ITGA3: variants seen among roughly 807,000 people sequenced by gnomAD.
ITGA3 encodes the protein integrin alpha-3.
In ITGA3, 70 loss-of-function variants were observed where a neutral mutation model predicts 131.1. The ratio of observed to expected loss-of-function variants is 0.53; its 90% CI spans 0.44 to 0.65. ITGA3 has a LOEUF of 0.65. ITGA3 is among the 30% of genes least tolerant of loss of function. The pLI, the probability that ITGA3 is intolerant of heterozygous loss-of-function variation, is 0.00. For missense variants in ITGA3, 1,098 were observed against 1,388.6 expected, an observed-to-expected ratio of 0.79 and a Z score of 3.33; for synonymous variants, 537 against 571.6, an observed-to-expected ratio of 0.94 and a Z score of 0.86.
Position 50,088,277 on chromosome 17 carries a change from A to C in ITGA3, c.3098A>C (p.Gln1033Pro). 1 of 1,590,236 alleles carries C rather than the reference A, an allele frequency of 6.3e-7. No individual in the cohort carries two copies. Among genetic ancestry groups the C allele is most frequent in the Non-Finnish European group, 8.6e-7 (1 of 1,168,624 alleles). ...RTRALYEAKR[Q>P]KAEMKSQPSE... ...CGCGCCCTGTATGAAGCTAAGAGGC[A>C]GAAGGCGGAGATGAAGAGCCAGCCG... Residue 1033 changes from glutamine to proline, a missense_variant, in exon 25 of 26, where the codon CAG becomes CCG. Transcript: ENST00000320031.
intron 4 of ITGA3, among the ~76,000 whole-genome samples, chr17:50,068,887 A>G (rs1161887106): frequency 6.6e-6 from 1 of 150,428 alleles, no homozygotes. Context: ...TCACTCTGTC[A>G]CCCAGGCTGG....
intron 7 of ITGA3, among the ~76,000 whole-genome samples, chr17:50,072,837 T>A (rs2144284852): frequency 6.6e-6 from 1 of 152,112 alleles, no homozygotes; most frequent in East Asian, 1.9e-4. Flanking sequence ...TCCTCATAAG[T>A]GTTCTGCAGG....
rs747450574 is a variant in ITGA3 at position 50,075,618 on chromosome 17, G to A, written c.1557G>A (p.Glu519=). Residue 519 remains glutamate, a synonymous_variant, in exon 12 of 26, where the codon GAG becomes GAA. Transcript: ENST00000320031. ...RRNITLAYTL[E]ADRDRRPPRL... ...CTGTAGCCCTGGCCTACACTCTGGAGGCTGACAGGGACCGCCGGCCGCCCC... is the reference window on the plus strand; with the variant it reads ...CTGTAGCCCTGGCCTACACTCTGGAAGCTGACAGGGACCGCCGGCCGCCCC... 2.3e-5 allele frequency: 37 copies of A among 1,614,130 alleles called. No individual in the cohort carries two copies. Among genetic ancestry groups the A allele is most frequent in the Admixed American group, 5.0e-5 (3 of 60,016 alleles).
Position 50,056,146 on chromosome 17 carries a change from C to T in ITGA3, c.-294C>T. 1 of 350,692 alleles carries T rather than the reference C, an allele frequency of 2.9e-6. No homozygotes were observed. Among genetic ancestry groups the T allele is most frequent in the South Asian group, 8.4e-5 (1 of 11,968 alleles). 21.7% of individuals were successfully genotyped at this position (350,692 alleles called of 1,614,324 possible). Reference sequence around the variant, plus strand: ...GAAGCCGGGATCGAAGGCGACAGCGCGGCCAAGGGGGCGCGGCCGGGACAA... The same window carrying T: ...GAAGCCGGGATCGAAGGCGACAGCGTGGCCAAGGGGGCGCGGCCGGGACAA... On this transcript the variant is annotated 5_prime_UTR_variant, in exon 1 of 26. Coordinates refer to ENST00000320031, the MANE Select transcript of ITGA3 (RefSeq NM_002204.4). The surrounding 1 kb of genome is among the most constrained non-coding windows in gnomAD (Gnocchi z 5.6).
intron 7 of ITGA3, among the ~76,000 whole-genome samples, chr17:50,072,501 C>T (rs913931469): frequency 8.6e-6 from 1 of 116,780 alleles, no homozygotes; most frequent in Non-Finnish European, 1.6e-5. Flanking sequence ...CCAAATCTAG[C>T]GGGTGTAGAG....
intron 23 of ITGA3, among the ~76,000 whole-genome samples, chr17:50,085,149 C>T (rs939275372): frequency 2.7e-5 from 4 of 150,220 alleles, no homozygotes; most frequent in African/African-American, 4.9e-5. Context: ...TTGCAGTGAG[C>T]CAAGATCGCA....
chr17:50,061,826 G>A (rs1908096537), intron 1 of ITGA3, among the ~76,000 whole-genome samples: 1 of 152,148 alleles, frequency 6.6e-6, no homozygotes, highest in Non-Finnish European at 1.5e-5. Flanking sequence ...GATCACCTGA[G>A]GTCAGGAGTT....
Position 50,081,001 on chromosome 17 carries a change from G to A in ITGA3, c.2821-309G>A, listed in dbSNP as rs73330550. ...GACAAATGAATGGGTGTGGCCGTGC[G>A]CCAAAAATACTTCATTTACAACAGC... On this transcript the variant is annotated intron_variant, in intron 22 of 25. Coordinates refer to ENST00000320031, the MANE Select transcript of ITGA3 (RefSeq NM_002204.4). 6.8e-3 allele frequency: 2,309 copies of A among 341,684 alleles called. 51 individuals are homozygous for A. The highest frequency in any genetic ancestry group is 0.044 in the African/African-American group (2,107 of 47,722). The allele number at this position is 341,684 out of a possible 1,614,324, so 21.2% of individuals were successfully genotyped here. A position where few individuals can be genotyped will look rare whatever the true frequency, so the allele number is the denominator to read the frequency against.
rs180727812 is a variant in ITGA3 at position 50,090,003 on chromosome 17, G to C, written c.*925G>C. ...GGGCTCACTGTGCTGGGGCACGGCGGGATCCTCCACAGAGAGGAGGGGACC... is the reference window on the plus strand; with the variant it reads ...GGGCTCACTGTGCTGGGGCACGGCGCGATCCTCCACAGAGAGGAGGGGACC... On this transcript the variant is annotated 3_prime_UTR_variant, in exon 26 of 26. Transcript: ENST00000320031. 13 of 253,482 alleles carry C rather than the reference G, an allele frequency of 5.1e-5. No homozygotes were observed. The East Asian group carries it at 1.4e-3, about 28-fold the overall frequency. 15.7% of individuals were successfully genotyped at this position (253,482 alleles called of 1,614,324 possible).
In ITGA3 at chr17:50,080,297, A is replaced by C. The variant is rs1037946344; in HGVS notation, c.2742A>C (p.Leu914=). 6.2e-7 allele frequency: 1 copy of C among 1,613,354 alleles called. No individual in the cohort carries two copies. Among genetic ancestry groups the C allele is most frequent in the South Asian group, 1.1e-5 (1 of 91,002 alleles). Residue 914 remains leucine, a synonymous_variant, in exon 22 of 26, where the codon CTA becomes CTC. Transcript: ENST00000320031. ...CATGRAHCVW[L]ECPIPDAPVV... is the part of the protein sequence containing the mutation. ...CAGGGCGTGCCCACTGTGTGTGGCT[A>C]GAGTGCCCCATCCCTGATGCCCCCG...
chr17:50,056,527 G>C lies in ITGA3; in HGVS notation c.88G>C (p.Val30Leu), dbSNP rs908827953. 2.6e-6 allele frequency: 4 copies of C among 1,553,274 alleles called. No homozygotes were observed. In the Admixed American group the frequency reaches 5.9e-5, roughly 23 times the overall value. The change falls in exon 1 of 26, where the codon GTC becomes CTC. Residue 30 changes from valine to leucine, a missense_variant. Val to Leu is a conservative substitution (Grantham distance 32). Transcript: ENST00000320031. The surrounding 1 kb of genome is among the most constrained non-coding windows in gnomAD (Gnocchi z 5.6). ...ALMVAAGGCV[V>L]SAFNLDTRFL... ...GATGGTGGCGGCCGGCGGCTGCGTC[G>C]TCTCCGCCTTCAACCTGGATACCCG... is the stretch of plus-strand genomic sequence containing the variant.
At chr17:50,076,548 G>T (rs745855428) in intron 13 of ITGA3, 36 bp from the exon 14 acceptor site, 7 of 1,608,034 alleles carry the variant, frequency 4.4e-6, no homozygotes, top group Non-Finnish European at 5.9e-6. Flanking sequence ...CACTGGGGGG[G>T]GTGGTGCGGC....
At position 50,064,851 on chromosome 17, in the gene ITGA3, A is replaced by G; in HGVS notation, c.414+244A>G. 4.6e-6 allele frequency: 2 copies of G among 434,160 alleles called. No homozygotes were observed. The highest frequency in any genetic ancestry group is 4.1e-6 in the Non-Finnish European group (1 of 242,746). 26.9% of individuals were successfully genotyped at this position (434,160 alleles called of 1,614,324 possible). A position where few individuals can be genotyped will look rare whatever the true frequency, so the allele number is the denominator to read the frequency against. On this transcript the variant is annotated intron_variant, in intron 3 of 25. Coordinates refer to ENST00000320031, the MANE Select transcript of ITGA3 (RefSeq NM_002204.4). This position sits in a 1 kb window ranked among gnomAD's most constrained non-coding sequence, Gnocchi z 4.4. ...TCTCTGACTCATCCACTTCCTCCGCATGCCTACACTGGGTGCTCAGCCTTC... is the reference window on the plus strand; with the variant it reads ...TCTCTGACTCATCCACTTCCTCCGCGTGCCTACACTGGGTGCTCAGCCTTC...
intron 9 of ITGA3, 33 bp downstream of exon 9, chr17:50,074,313 CTCT>C (rs766122103): frequency 6.8e-6 from 11 of 1,610,818 alleles, no homozygotes; most frequent in Non-Finnish European, 8.5e-6. Context: ...AAGGGTCTTT[CTCT>C]TCTTCATCTT....
intron 1 of ITGA3, among the ~76,000 whole-genome samples, chr17:50,061,090 G>A (rs1908055434): frequency 6.6e-6 from 1 of 151,846 alleles, no homozygotes; most frequent in Admixed American, 6.6e-5. Flanking sequence ...GGCCTTAAAG[G>A]GCCTCTGAGT....
intron 5 of ITGA3, 105 bp downstream of exon 5, chr17:50,071,035 A>T (rs1023875725): frequency 9.7e-6 from 8 of 825,522 alleles, no homozygotes; most frequent in Non-Finnish European, 1.5e-5. Context: ...GCATTTAGTT[A>T]AACTAGCACA....
Position 50,064,515 on chromosome 17 carries a change from C to G in ITGA3, c.335-13C>G. On this transcript the variant is annotated splice_polypyrimidine_tract_variant and intron_variant, in intron 2 of 25. Coordinates refer to ENST00000320031, the MANE Select transcript of ITGA3 (RefSeq NM_002204.4). This position sits in a 1 kb window ranked among gnomAD's most constrained non-coding sequence, Gnocchi z 4.4. ...TGAGGTGCTCTGATTCATGATCCTT[C>G]CGGTGCCCACAGATGACCCTGGCCA... 6.2e-7 allele frequency: 1 copy of G among 1,607,526 alleles called. No homozygotes were observed. Among genetic ancestry groups the G allele is most frequent in the East Asian group, 2.2e-5 (1 of 44,752 alleles).
At chr17:50,071,948 C>G in intron 6 of ITGA3, 38 bp from the exon 7 acceptor site, 1 of 1,562,750 alleles carries the variant, frequency 6.4e-7, no homozygotes, top group South Asian at 1.1e-5. Flanking sequence ...ATATTGGAGG[C>G]TGACCTCACA....
rs1907976059 is a variant in ITGA3, at chr17:50,059,449, T to A, written c.206+2804T>A. 5.9e-5 allele frequency among the ~76,000 whole-genome samples: 9 copies of A among 152,318 alleles called. No homozygotes were observed. The South Asian group carries it at 1.7e-3, about 28-fold the overall frequency. On this transcript the variant is annotated intron_variant, in intron 1 of 25. Coordinates refer to ENST00000320031, the MANE Select transcript of ITGA3 (RefSeq NM_002204.4). ...AGGGTGGCTCCTAGAAATGAGGTCA[T>A]GCCTGAGGTACGCAGGAGCCAGGCT...
Sources: gnomAD v4.1 joint callset for allele counts (sites outside exome capture counted in the v4.1 genomes callset) on GRCh38, gnomAD v4.1.1 for gene constraint, Gnocchi (gnomAD v3.1) non-coding constraint, MANE v1.5 for transcripts, NCBI Gene and HGNC (gene_info 2026-07-23, HGNC 2026-07-21) for gene names.